Variants in MGST1 observed in about 807,000 individuals in gnomAD.
MGST1 encodes microsomal glutathione S-transferase 1.
In MGST1, 5 loss-of-function variants were observed where a neutral mutation model predicts 8.9. That is an observed-to-expected ratio of 0.56 (90% CI 0.29 to 1.19). The LOEUF (loss-of-function observed/expected upper bound fraction) is 1.19, where lower values mean the gene tolerates loss of function less well. Among genes scored for constraint, MGST1 ranks in the 50% most tolerant of loss-of-function variants. The probability of loss-of-function intolerance (pLI) is 0.08; values close to 1 mark genes in which losing one functional copy is unlikely to be tolerated. For synonymous variants in MGST1, 54 were observed against 67.8 expected (o/e 0.80, Z 1.00); for missense variants, 182 against 187.4 (o/e 0.97, Z 0.17).
chr12:16,549,651 GA>G (rs1048610207), intron 4 of MGST1: 11 of 152,190 alleles, frequency 7.2e-5, no homozygotes. Context: ...CAAAGAAAAA[GA>G]AAACCCATAG....
At chr12:16,463,224 C>T (rs1941232575) in intron 4 of MGST1, among the ~76,000 whole-genome samples, 1 of 152,006 alleles carries the variant, frequency 6.6e-6, no homozygotes, top group African/African-American at 2.4e-5. Context: ...TCTCCGTCAA[C>T]CTAGAGTGCA....
chr12:16,460,173 T>C (rs1047617736), intron 4 of MGST1, among the ~76,000 whole-genome samples: 1 of 152,176 alleles, frequency 6.6e-6, no homozygotes, highest in Admixed American at 6.5e-5. Flanking sequence ...GAGTGTCATA[T>C]GTCTGGATAG....
chr12:16,590,143 C>T (rs1418468730), downstream of MGST1, among the ~76,000 whole-genome samples: 1 of 152,040 alleles, frequency 6.6e-6, no homozygotes, highest in Non-Finnish European at 1.5e-5. Flanking sequence ...TTTTAAAAGA[C>T]ACTTTGTACA....
At chr12:16,374,375 T>C (rs1940347137) in intron 3 of MGST1, among the ~76,000 whole-genome samples, 1 of 152,158 alleles carries the variant, frequency 6.6e-6, no homozygotes, top group Non-Finnish European at 1.5e-5. Flanking sequence ...AATTTATTGC[T>C]GTTTTATGGA....
chr12:16,418,517 C>T (rs905246359), intron 1 of MGST1, among the ~76,000 whole-genome samples: 12 of 152,132 alleles, frequency 7.9e-5, no homozygotes, highest in African/African-American at 2.4e-4. Context: ...TTTCAACAAG[C>T]GGTGTCAGGA....
intron 1 of MGST1, among the ~76,000 whole-genome samples, chr12:16,351,289 G>A (rs1372642160): frequency 4.0e-5 from 6 of 151,792 alleles, no homozygotes; most frequent in Non-Finnish European, 8.8e-5. Context: ...CTGAAGGATA[G>A]TGCAGTTTAT....
intron 4 of MGST1, chr12:16,514,007 T>G (rs989841525): frequency 1.4e-5 from 6 of 429,162 alleles, no homozygotes; most frequent in African/African-American, 1.2e-4. Context: ...CTTCTTCTTC[T>G]GCATGCTTGC....
At chr12:16,416,389 G>C (rs1940788413) in intron 1 of MGST1, among the ~76,000 whole-genome samples, 1 of 152,178 alleles carries the variant, frequency 6.6e-6, no homozygotes, top group Non-Finnish European at 1.5e-5. Flanking sequence ...ACTGAGGATT[G>C]TAGTGCAAGT....
chr12:16,481,971 G>T (rs1478066036), intron 4 of MGST1, among the ~76,000 whole-genome samples: 1 of 152,076 alleles, frequency 6.6e-6, no homozygotes, highest in Non-Finnish European at 1.5e-5. Context: ...CACAGTAAAA[G>T]AGAGCTTAAA....
chr12:16,550,073 C>A (rs1292853004), intron 4 of MGST1: 2 of 151,934 alleles, frequency 1.3e-5, no homozygotes, highest in African/African-American at 4.8e-5. Flanking sequence ...TTTTATCAAT[C>A]CCTTTGTTTC....
rs183430438 is a variant in MGST1, at chr12:16,429,260, G to A, written n.779-8128G>A. Among the ~76,000 whole-genome samples, 44 of 152,170 alleles carry A rather than the reference G, an allele frequency of 2.9e-4. No homozygotes were observed. The East Asian group carries it at 7.5e-3, about 26-fold the overall frequency. On this transcript the variant is annotated intron_variant and non_coding_transcript_variant, in intron 1 of 1. Transcript: ENST00000359720. ...ATCATAATTCAGTTACTTCAAAGCA[G>A]TTTTCCTTCAATATTTCAAAACAAT...
Position 16,401,267 on chromosome 12 carries a change from G to A in MGST1, n.778+17663G>A, listed in dbSNP as rs976270577. On this transcript the variant is annotated intron_variant and non_coding_transcript_variant, in intron 1 of 1. Coordinates refer to the MGST1 transcript ENST00000359720. The surrounding 1 kb of genome is among the most constrained non-coding windows in gnomAD (Gnocchi z 4.3). ...GGCTTTTTCCCCTCCTTGTTAGTCA[G>A]GTCTGAGAATCCCAAACTGATGCTG... is the stretch of plus-strand genomic sequence containing the variant. 3 of 1,563,018 alleles carry A rather than the reference G, an allele frequency of 1.9e-6. No individual in the cohort carries two copies. The African/African-American group carries it at 4.1e-5, about 21-fold the overall frequency.
At chr12:16,407,678 T>A (rs956268246) in intron 1 of MGST1, among the ~76,000 whole-genome samples, 11 of 152,024 alleles carry the variant, frequency 7.2e-5, no homozygotes, top group African/African-American at 2.7e-4. Flanking sequence ...GCCCATCATT[T>A]GTGAACTAGA....
chr12:16,388,934 G>A lies in MGST1; in HGVS notation n.778+5330G>A, dbSNP rs553602857. 1.2e-4 allele frequency among the ~76,000 whole-genome samples: 18 copies of A among 152,306 alleles called. No individual in the cohort carries two copies. In the East Asian group the frequency reaches 3.5e-3, roughly 29 times the overall value. The stretch of plus-strand genomic sequence containing the variant: ...CACTGAGCAACTACACTGAATCTCA[G>A]ATGAAGGCCACTTTAAAACAGAAAA... On this transcript the variant is annotated intron_variant and non_coding_transcript_variant, in intron 1 of 1. Coordinates refer to the MGST1 transcript ENST00000359720.
intron 1 of MGST1, among the ~76,000 whole-genome samples, chr12:16,391,610 T>C (rs1262630750): frequency 6.6e-6 from 1 of 152,210 alleles, no homozygotes; most frequent in African/African-American, 2.4e-5. Flanking sequence ...TTTTCTCTTG[T>C]AAATTTAAGT....
At position 16,492,291 on chromosome 12, in the gene MGST1, A is replaced by G. The variant is rs143180485; in HGVS notation, n.483-97237A>G. On this transcript the variant is annotated intron_variant and non_coding_transcript_variant, in intron 4 of 4. Transcript: ENST00000538857. ...GCTGACAGCACTTTAGGGTAGCATT[A>G]AAGTCACCATGTTTTCCTGTATCTG... Among the ~76,000 whole-genome samples, 3 of 152,302 alleles carry G rather than the reference A, an allele frequency of 2.0e-5. No homozygotes were observed. In the East Asian group the frequency reaches 5.8e-4, roughly 29 times the overall value.
chr12:16,592,183 T>C (rs1281147683), downstream of MGST1, among the ~76,000 whole-genome samples: 1 of 152,040 alleles, frequency 6.6e-6, no homozygotes, highest in Non-Finnish European at 1.5e-5. Context: ...GTATTGGCAC[T>C]CAAATATTTG....
rs115436301 is a variant in MGST1 at position 16,536,596 on chromosome 12, C to T, written n.483-52932C>T. On this transcript the variant is annotated intron_variant and non_coding_transcript_variant, in intron 4 of 4. Transcript: ENST00000538857. ...TTCATGCTGCTGATAACGACATACC[C>T]AAGACTGGGAGGAAGAAGAGGTTTA... Among the ~76,000 whole-genome samples the T allele has an allele frequency of 7.5e-3, 1,145 of 152,224 alleles. 17 individuals carry two copies. Among genetic ancestry groups the T allele is most frequent in the African/African-American group, 0.025 (1,037 of 41,538 alleles).
At chr12:16,353,190 C>T (rs900031501) in intron 1 of MGST1, among the ~76,000 whole-genome samples, 8 of 152,026 alleles carry the variant, frequency 5.3e-5, no homozygotes, top group African/African-American at 1.7e-4. Context: ...CCTGCCACCA[C>T]ACCCGGCTAA....
Sources: gnomAD v4.1 joint callset for allele counts (sites outside exome capture counted in the v4.1 genomes callset) on GRCh38, gnomAD v4.1.1 for gene constraint, Gnocchi (gnomAD v3.1) non-coding constraint, MANE v1.5 for transcripts, NCBI Gene and HGNC (gene_info 2026-07-23, HGNC 2026-07-21) for gene names.